Variants in FRMD4A observed in about 807,000 individuals in gnomAD.
The protein encoded by FRMD4A is FERM domain containing 4A, also known as FERM domain-containing protein 4A.
In FRMD4A, 29 loss-of-function variants were observed where a neutral mutation model predicts 129.1. The observed-to-expected ratio is 0.22, with a 90% CI of 0.17 to 0.31. FRMD4A has a LOEUF of 0.31. FRMD4A is among the 10% of genes least tolerant of loss of function. The pLI is 1.00. For missense variants in FRMD4A, 1,272 were observed against 1,375.8 expected (o/e 0.92, Z 1.19); for synonymous variants, 634 against 571.6 (o/e 1.11, Z -1.56).
intron 9 of FRMD4A, among the ~76,000 whole-genome samples, chr10:13,746,754 C>T (rs968943491): frequency 6.6e-6 from 1 of 152,156 alleles, no homozygotes; most frequent in African/African-American, 2.4e-5. Context: ...TCAGAAGGAA[C>T]ATCAGAGAAG....
chr10:13,876,281 G>T (rs1289782506), intron 2 of FRMD4A, among the ~76,000 whole-genome samples: 1 of 152,188 alleles, frequency 6.6e-6, no homozygotes, highest in Non-Finnish European at 1.5e-5. Context: ...GTATTTACTT[G>T]TGATGTTTCC....
chr10:13,884,176 TCACACACA>T lies in FRMD4A; in HGVS notation c.46-25272_46-25265del, dbSNP rs1368255816. ...CACTCTCACACACACACTCACACAC[TCACACACA>T]CACACACACACTCACACACACACTC... is the stretch of plus-strand genomic sequence containing the variant. On this transcript the variant is annotated intron_variant, in intron 2 of 24. Transcript: ENST00000357447. Among the ~76,000 whole-genome samples the T allele has an allele frequency of 1.5e-3, 48 of 31,106 alleles. No homozygotes were observed. The East Asian group carries it at 0.016, about 10-fold the overall frequency. The allele number at this position is 31,106 out of a possible 152,430, so 20.4% of individuals were successfully genotyped here. A position where few individuals can be genotyped will look rare whatever the true frequency, so the allele number is the denominator to read the frequency against.
chr10:13,673,856 G>A (rs773481477), intron 16 of FRMD4A, among the ~76,000 whole-genome samples: 5 of 143,298 alleles, frequency 3.5e-5, no homozygotes, highest in Non-Finnish European at 6.0e-5. Context: ...GCTCACTGCA[G>A]TCTCAACCTT....
At chr10:13,923,863 A>G (rs897289188) in intron 2 of FRMD4A, among the ~76,000 whole-genome samples, 1 of 152,186 alleles carries the variant, frequency 6.6e-6, no homozygotes, top group African/African-American at 2.4e-5. Context: ...AGAGGTGAAC[A>G]TGGCACCACC....
In FRMD4A at chr10:14,151,258, C is replaced by G. The variant is rs12249035; in HGVS notation, c.45+178800G>C. 9.0e-3 allele frequency among the ~76,000 whole-genome samples: 1,366 copies of G among 152,258 alleles called. 20 individuals carry two copies. Among genetic ancestry groups the G allele is most frequent in the African/African-American group, 0.031 (1,290 of 41,540 alleles). On this transcript the variant is annotated intron_variant, in intron 2 of 24. Transcript: ENST00000357447. ...TACAATGGCAAAGTCATGTAAGCAACCTAAGGGTCCACCAATGGCTGATTC... is the reference window on the plus strand; with the variant it reads ...TACAATGGCAAAGTCATGTAAGCAAGCTAAGGGTCCACCAATGGCTGATTC...
At chr10:14,229,039 TC>T (rs1474892450) in intron 2 of FRMD4A, among the ~76,000 whole-genome samples, 1 of 152,142 alleles carries the variant, frequency 6.6e-6, no homozygotes, top group Non-Finnish European at 1.5e-5. Context: ...ACTTTTCTTA[TC>T]TTTGCTCCCC....
chr10:14,078,696 A>G (rs1396468782), intron 2 of FRMD4A, among the ~76,000 whole-genome samples: 2 of 152,214 alleles, frequency 1.3e-5, no homozygotes, highest in Non-Finnish European at 1.5e-5. Context: ...GATGAAAAAA[A>G]CGAAGCTTGA....
At chr10:13,863,048 T>G (rs1415474675) in intron 2 of FRMD4A, among the ~76,000 whole-genome samples, 2 of 151,980 alleles carry the variant, frequency 1.3e-5, no homozygotes, top group Non-Finnish European at 2.9e-5. Context: ...CTCATAGATG[T>G]CAACTGGCAA....
intron 4 of FRMD4A, among the ~76,000 whole-genome samples, chr10:13,809,115 G>A (rs1457128541): frequency 1.3e-5 from 2 of 152,214 alleles, no homozygotes; most frequent in South Asian, 2.1e-4. Flanking sequence ...CTGCTGTGAC[G>A]TGTGGTTTTG....
rs143075491 is a variant in FRMD4A, at chr10:14,039,862, G to A, written c.46-180950C>T. Reference sequence around the variant, plus strand: ...GACCTCGTGAGGCTGTGTCACGGCCGTGCATCCTTAACTTTGGCAAAATAA... The same window carrying A: ...GACCTCGTGAGGCTGTGTCACGGCCATGCATCCTTAACTTTGGCAAAATAA... On this transcript the variant is annotated intron_variant, in intron 2 of 24. Coordinates refer to ENST00000357447, the MANE Select transcript of FRMD4A (RefSeq NM_018027.5). Among the ~76,000 whole-genome samples the A allele has an allele frequency of 2.8e-3, 433 of 152,212 alleles. 3 individuals are homozygous for A. The highest frequency in any genetic ancestry group is 9.4e-3 in the African/African-American group (389 of 41,526).
At chr10:13,808,562 C>A (rs986285261) in intron 4 of FRMD4A, among the ~76,000 whole-genome samples, 17 of 152,206 alleles carry the variant, frequency 1.1e-4, no homozygotes, top group Non-Finnish European at 2.5e-4. Context: ...AACAAAGAGG[C>A]ACTCCCAATG....
chr10:13,704,612 C>T (rs1252608044), intron 13 of FRMD4A, among the ~76,000 whole-genome samples: 1 of 152,208 alleles, frequency 6.6e-6, no homozygotes, highest in African/African-American at 2.4e-5. Context: ...CCCTGTCCTT[C>T]ACCCTTCATG....
chr10:14,084,684 CA>C (rs1836154244), intron 2 of FRMD4A, among the ~76,000 whole-genome samples: 1 of 152,180 alleles, frequency 6.6e-6, no homozygotes, highest in African/African-American at 2.4e-5. Context: ...CCATATGGGA[CA>C]CAACCCTTCT....
intron 2 of FRMD4A, among the ~76,000 whole-genome samples, chr10:13,992,717 G>A (rs978847117): frequency 6.6e-6 from 1 of 152,118 alleles, no homozygotes; most frequent in African/African-American, 2.4e-5. Context: ...ACTTTGGGAG[G>A]CCAAGACACG....
At chr10:13,680,068 C>T (rs186772886) in intron 15 of FRMD4A, among the ~76,000 whole-genome samples, 35 of 152,354 alleles carry the variant, frequency 2.3e-4, no homozygotes, top group Middle Eastern at 3.4e-3. Context: ...TGGAGGTTCA[C>T]TCTCACTGCC....
intron 2 of FRMD4A, among the ~76,000 whole-genome samples, chr10:14,015,304 A>C (rs1588776559): frequency 4.5e-5 from 5 of 110,156 alleles, no homozygotes; most frequent in Admixed American, 2.5e-4. Context: ...CCTTCCTTTC[A>C]TCCTTTCTTC....
chr10:13,973,661 C>T (rs529545107), intron 2 of FRMD4A, among the ~76,000 whole-genome samples: 237 of 150,992 alleles, frequency 1.6e-3, no homozygotes, highest in African/African-American at 5.5e-3. Flanking sequence ...AACCCCATCA[C>T]CAGAAAGTTT....
intron 4 of FRMD4A, among the ~76,000 whole-genome samples, chr10:13,800,712 G>C (rs146535361): frequency 6.6e-6 from 1 of 152,162 alleles, no homozygotes; most frequent in African/African-American, 2.4e-5. Flanking sequence ...GGGACATGTC[G>C]CATGAAGGGA....
Position 14,246,195 on chromosome 10 carries a change from G to T in FRMD4A, c.45+83863C>A, listed in dbSNP as rs566040062. On this transcript the variant is annotated intron_variant, in intron 2 of 24. Transcript: ENST00000357447. ...TGTTGAATCAACCCAGATTTCTCAG[G>T]TCCAATTAAAGAATTAGGTCTTCAA... Among the ~76,000 whole-genome samples, 5 of 152,274 alleles carry T rather than the reference G, an allele frequency of 3.3e-5. No homozygotes were observed. In the East Asian group the frequency reaches 9.6e-4, roughly 29 times the overall value.
Sources: gnomAD v4.1 joint callset for allele counts (sites outside exome capture counted in the v4.1 genomes callset) on GRCh38, gnomAD v4.1.1 for gene constraint, MANE v1.5 for transcripts, NCBI Gene and HGNC (gene_info 2026-07-23, HGNC 2026-07-21) for gene names.